The following ERP44 variants were observed in gnomAD, a reference collection of about 807,000 sequenced individuals.
The protein encoded by ERP44 is endoplasmic reticulum protein 44, also known as endoplasmic reticulum resident protein 44.
In ERP44, 25 loss-of-function variants were observed where a neutral mutation model predicts 53.4. That is an observed-to-expected ratio of 0.47 (90% CI 0.34 to 0.65). The LOEUF (loss-of-function observed/expected upper bound fraction) is 0.65, where lower values mean the gene tolerates loss of function less well. Ranked by LOEUF, ERP44 falls within the 30% of genes least tolerant of loss-of-function variation. The probability of loss-of-function intolerance (pLI) is 0.01; values close to 1 mark genes in which losing one functional copy is unlikely to be tolerated. For synonymous variants in ERP44, 145 were observed against 161.2 expected, an observed-to-expected ratio of 0.90 and a Z score of 0.76; for missense variants, 338 against 493.2, an observed-to-expected ratio of 0.69 and a Z score of 2.98.
At chr9:99,999,993 C>T (rs1440680452) in intron 10 of ERP44, among the ~76,000 whole-genome samples, 1 of 151,952 alleles carries the variant, frequency 6.6e-6, no homozygotes, top group Non-Finnish European at 1.5e-5. Flanking sequence ...TTTTTTGCAC[C>T]ATCGTCAAAA....
rs1305150546 is a variant in ERP44 at position 100,098,792 on chromosome 9, G to A, written c.49C>T (p.Leu17=). The A allele has an allele frequency of 6.8e-6, 11 of 1,613,758 alleles. No homozygotes were observed. The highest frequency in any genetic ancestry group is 9.3e-6 in the Non-Finnish European group (11 of 1,179,786). Residue 17 remains leucine, a synonymous_variant, in exon 1 of 12, where the codon CTG becomes TTG. Transcript: ENST00000262455. ...LSLPDLRCSL[L]LLVTWVFTPV... Reference sequence around the variant, plus strand: ...GTCATTCCCTCACTCACCAGGAGCAGAAGGGAGCATCTGAGGTCGGGTAAG... The same window carrying A: ...GTCATTCCCTCACTCACCAGGAGCAAAAGGGAGCATCTGAGGTCGGGTAAG...
intron 4 of ERP44, among the ~76,000 whole-genome samples, chr9:100,040,511 T>C (rs972324792): frequency 1.2e-4 from 19 of 152,230 alleles, no homozygotes; most frequent in South Asian, 6.2e-4. Flanking sequence ...AGAAGGAACA[T>C]ATCTCAACTT....
At chr9:99,999,218 A>C (rs1830351682) in intron 10 of ERP44, 2 of 396,144 alleles carry the variant, frequency 5.0e-6, no homozygotes, top group Non-Finnish European at 8.7e-6. Context: ...CTCGATGTTG[A>C]TCATTTTTTC....
chr9:100,096,511 T>C (rs542150195), intron 1 of ERP44, among the ~76,000 whole-genome samples: 3 of 152,220 alleles, frequency 2.0e-5, no homozygotes, highest in Non-Finnish European at 4.4e-5. Flanking sequence ...AGTGATATAT[T>C]CCAAAATGCT....
In ERP44 at chr9:99,994,679, T is replaced by G. The variant is rs150310582; in HGVS notation, c.1017-9610A>C. On this transcript the variant is annotated intron_variant, in intron 10 of 11. Coordinates refer to ENST00000262455, the MANE Select transcript of ERP44 (RefSeq NM_015051.3). ...TTAAAAAAAAAATCTATTACCATAC[T>G]TGTATGTCTATTTCTAGACTCTCTC... 3.2e-4 allele frequency among the ~76,000 whole-genome samples: 49 copies of G among 152,274 alleles called. No homozygotes were observed. The East Asian group carries it at 8.9e-3, about 28-fold the overall frequency.
intron 1 of ERP44, among the ~76,000 whole-genome samples, chr9:100,084,114 C>A (rs980884372): frequency 6.6e-6 from 1 of 152,044 alleles, no homozygotes; most frequent in South Asian, 2.1e-4. Flanking sequence ...AGAAGACTTA[C>A]CAAAGGATAT....
chr9:99,986,873 A>T (rs1032154252), intron 10 of ERP44, among the ~76,000 whole-genome samples: 1 of 152,216 alleles, frequency 6.6e-6, no homozygotes, highest in African/African-American at 2.4e-5. Flanking sequence ...ATTTAATCTG[A>T]CATCATCTAC....
At chr9:100,029,096 G>C (rs1337736857) in intron 4 of ERP44, among the ~76,000 whole-genome samples, 1 of 152,036 alleles carries the variant, frequency 6.6e-6, no homozygotes, top group Non-Finnish European at 1.5e-5. Flanking sequence ...AAACATAGGG[G>C]AAATGCTTTA....
intron 1 of ERP44, among the ~76,000 whole-genome samples, chr9:100,088,634 C>G (rs755768677): frequency 6.6e-6 from 1 of 152,230 alleles, no homozygotes; most frequent in East Asian, 1.9e-4. Context: ...CCTTTCACCA[C>G]TTTTTGTTTC....
intron 1 of ERP44, among the ~76,000 whole-genome samples, chr9:100,094,421 G>A (rs1251875519): frequency 6.6e-6 from 1 of 152,180 alleles, no homozygotes; most frequent in Non-Finnish European, 1.5e-5. Flanking sequence ...ACTTTGGGAG[G>A]CCAAGGCGGG....
At chr9:99,983,570 A>G (rs71503727) in intron 11 of ERP44, among the ~76,000 whole-genome samples, 11 of 151,132 alleles carry the variant, frequency 7.3e-5, no homozygotes, top group Non-Finnish European at 1.0e-4. Flanking sequence ...AAAAAAAAAA[A>G]AAAAAGAAAA....
At chr9:100,055,108 A>G (rs548579198) in intron 3 of ERP44, among the ~76,000 whole-genome samples, 9 of 152,182 alleles carry the variant, frequency 5.9e-5, no homozygotes, top group Non-Finnish European at 1.0e-4. Flanking sequence ...CTGAGCCTCA[A>G]TTCCTCAACC....
intron 4 of ERP44, among the ~76,000 whole-genome samples, chr9:100,045,577 T>A (rs990848277): frequency 3.3e-5 from 5 of 152,016 alleles, no homozygotes; most frequent in Non-Finnish European, 5.9e-5. Context: ...AGTAGTAGGG[T>A]TTTTTCCCAG....
At chr9:100,097,619 T>A (rs963154578) in intron 1 of ERP44, among the ~76,000 whole-genome samples, 12 of 152,268 alleles carry the variant, frequency 7.9e-5, no homozygotes, top group African/African-American at 2.2e-4. Context: ...AATATTACAA[T>A]GTTTATACAC....
chr9:100,018,658 A>G (rs1564090966), intron 6 of ERP44, among the ~76,000 whole-genome samples: 1 of 152,226 alleles, frequency 6.6e-6, no homozygotes, highest in African/African-American at 2.4e-5. Flanking sequence ...CATCACTAAA[A>G]TATAGTTCCA....
At chr9:100,032,125 T>TG (rs1326162914) in intron 4 of ERP44, among the ~76,000 whole-genome samples, 3 of 152,148 alleles carry the variant, frequency 2.0e-5, no homozygotes, top group African/African-American at 7.2e-5. Flanking sequence ...CTCTTTTTTT[T>TG]GGGATCCAGG....
intron 11 of ERP44, among the ~76,000 whole-genome samples, chr9:99,982,966 G>A (rs1239578248): frequency 6.6e-6 from 1 of 152,132 alleles, no homozygotes; most frequent in East Asian, 1.9e-4. Flanking sequence ...ATTTGCTGAG[G>A]TGTGGTGGAA....
intron 10 of ERP44, among the ~76,000 whole-genome samples, chr9:99,988,555 A>C (rs906445345): frequency 1.2e-4 from 18 of 152,188 alleles, no homozygotes; most frequent in African/African-American, 4.3e-4. Flanking sequence ...TATTACTGGG[A>C]TTACCCTTCC....
At chr9:100,095,513 G>C (rs1356985672) in intron 1 of ERP44, among the ~76,000 whole-genome samples, 3 of 152,012 alleles carry the variant, frequency 2.0e-5, no homozygotes, top group Non-Finnish European at 2.9e-5. Context: ...TGATATGAAG[G>C]AATTTCTGTC....
Sources: allele counts gnomAD v4.1 joint callset (sites outside exome capture counted in the v4.1 genomes callset), GRCh38; gene constraint gnomAD v4.1.1; transcripts MANE v1.5; gene names NCBI Gene and HGNC (gene_info 2026-07-23, HGNC 2026-07-21).